TFDP2: variants seen among roughly 807,000 people sequenced by gnomAD.
TFDP2 encodes the protein transcription factor Dp-2, also known as transcription factor Dp-2 (E2F dimerization partner 2).
TFDP2 carries 17 observed loss-of-function variants against 59.3 expected under a neutral mutation model. The ratio of observed to expected loss-of-function variants is 0.29; its 90% CI spans 0.20 to 0.43. The LOEUF (loss-of-function observed/expected upper bound fraction) is 0.43. TFDP2 is among the 20% of genes least tolerant of loss of function. TFDP2 has a pLI of 1.00. For synonymous variants in TFDP2, 180 were observed against 194.7 expected (o/e 0.92, Z 0.63); for missense variants, 391 against 528.8 (o/e 0.74, Z 2.56).
rs184209228 is a variant in TFDP2 at position 141,950,832 on chromosome 3, C to A, written c.*1681G>T. ...TCTGAGAGGTGTGCTCCAGAACCCA[C>A]GATAAGACCGAGTTCTCTAGAAACT... On this transcript the variant is annotated 3_prime_UTR_variant, in exon 13 of 13. Transcript: ENST00000489671. The A allele has an allele frequency of 6.6e-6, 1 of 152,476 alleles. No homozygotes were observed. Among genetic ancestry groups the A allele is most frequent in the African/African-American group, 2.4e-5 (1 of 41,452 alleles). The allele number at this position is 152,476 out of a possible 1,614,324, so 9.4% of individuals were successfully genotyped here. A position where few individuals can be genotyped will look rare whatever the true frequency, so the allele number is the denominator to read the frequency against.
intron 3 of TFDP2, among the ~76,000 whole-genome samples, chr3:142,026,333 A>C (rs1024507533): frequency 1.3e-5 from 2 of 151,702 alleles, no homozygotes; most frequent in Non-Finnish European, 2.9e-5. Flanking sequence ...AAAACAACAA[A>C]AAAAAACAAC....
In TFDP2 at chr3:141,995,113, C is replaced by A; in HGVS notation, c.215G>T (p.Ser72Ile). Residue 72 changes from serine (S) to isoleucine (I), a missense_variant, in exon 5 of 13, where the codon AGT becomes ATT. Physicochemically the swap from Ser to Ile is moderately radical, Grantham distance 142. Around this residue, in one of 3 missense-constraint regions of TFDP2, gnomAD observed 162 missense variants for 206.8 expected, o/e 0.78. Coordinates refer to ENST00000489671, the MANE Select transcript of TFDP2 (RefSeq NM_001178139.2). ...MIISTPQRLT[S>I]SGSVLIGSPY... ...ACTCCCAATCAGAACACTTCCTGAA[C>A]TGGTTAGTCTCTGTGGTGTGCTTAT... 2 of 1,608,542 alleles carry A rather than the reference C, an allele frequency of 1.2e-6. No homozygotes were observed. Among genetic ancestry groups the A allele is most frequent in the Non-Finnish European group, 1.7e-6 (2 of 1,177,124 alleles).
chr3:141,961,848 G>T (rs954295035), intron 10 of TFDP2, among the ~76,000 whole-genome samples: 1 of 152,146 alleles, frequency 6.6e-6, no homozygotes, highest in African/African-American at 2.4e-5. Flanking sequence ...TGAGGCAGGG[G>T]GACCGCTTGA....
rs149746144 is a variant in TFDP2 at position 142,070,296 on chromosome 3, T to C, written c.82+22765A>G. Reference sequence around the variant, plus strand: ...CGATACATCAGTGTTTTTATTTTTTTGAGACAGGGTCACCCAGGCTGGAGT... The same window carrying C: ...CGATACATCAGTGTTTTTATTTTTTCGAGACAGGGTCACCCAGGCTGGAGT... On this transcript the variant is annotated intron_variant, in intron 3 of 12. Transcript: ENST00000489671. Among the ~76,000 whole-genome samples the C allele has an allele frequency of 1.3e-3, 191 of 152,256 alleles. 1 individual carries two copies. The highest frequency in any genetic ancestry group is 4.3e-3 in the African/African-American group (180 of 41,550).
chr3:142,016,335 G>A (rs1254131548), intron 3 of TFDP2, among the ~76,000 whole-genome samples: 3 of 137,134 alleles, frequency 2.2e-5, no homozygotes, highest in Non-Finnish European at 4.6e-5. Context: ...GTCTCACTCT[G>A]TCACCCAGGC....
chr3:142,088,010 A>AT (rs1159167786), intron 3 of TFDP2, among the ~76,000 whole-genome samples: 2 of 152,058 alleles, frequency 1.3e-5, no homozygotes, highest in Non-Finnish European at 1.5e-5. Context: ...TGATATACAG[A>AT]TTTTTTCACA....
chr3:142,143,743 A>G (rs897309390), intron 1 of TFDP2, among the ~76,000 whole-genome samples: 1 of 152,186 alleles, frequency 6.6e-6, no homozygotes, highest in Admixed American at 6.5e-5. Flanking sequence ...TCCAAAAGAC[A>G]GACAGTAACA....
chr3:142,123,861 A>G (rs1477675908), intron 1 of TFDP2, among the ~76,000 whole-genome samples: 1 of 152,228 alleles, frequency 6.6e-6, no homozygotes, highest in Non-Finnish European at 1.5e-5. Context: ...TGAAGCAGTA[A>G]AACTATTATT....
At chr3:142,036,023 A>T (rs1251698134) in intron 3 of TFDP2, among the ~76,000 whole-genome samples, 4 of 152,216 alleles carry the variant, frequency 2.6e-5, no homozygotes, top group Non-Finnish European at 5.9e-5. Context: ...ATATGAATTC[A>T]ATGAGTAGAT....
intron 10 of TFDP2, among the ~76,000 whole-genome samples, chr3:141,962,948 C>T (rs781308182): frequency 1.2e-4 from 19 of 152,180 alleles, no homozygotes; most frequent in Non-Finnish European, 2.4e-4. Context: ...CAGCAGCTAA[C>T]ATTTAAAAAA....
intron 3 of TFDP2, among the ~76,000 whole-genome samples, chr3:142,052,005 A>T (rs759979683): frequency 6.6e-6 from 1 of 152,102 alleles, no homozygotes; most frequent in Non-Finnish European, 1.5e-5. Context: ...ACATGTCTGT[A>T]GTCCCAGCTA....
intron 1 of TFDP2, among the ~76,000 whole-genome samples, chr3:142,103,484 T>C (rs1379061688): frequency 2.6e-5 from 4 of 152,136 alleles, no homozygotes; most frequent in Non-Finnish European, 5.9e-5. Context: ...CCAAAAACTA[T>C]GGAGTTTTCT....
chr3:142,036,893 T>G (rs1230408952), intron 3 of TFDP2, among the ~76,000 whole-genome samples: 2 of 152,204 alleles, frequency 1.3e-5, no homozygotes, highest in Non-Finnish European at 2.9e-5. Flanking sequence ...CTTAAAAAAC[T>G]CATGGGGCAG....
chr3:141,947,784 A>C lies in TFDP2; in HGVS notation c.*4729T>G, dbSNP rs1209198284. Reference sequence around the variant, plus strand: ...GGAACTTAGGAGAGATTCCAAGTGCATGTTATGGGACAGAGTGGCTTGTTA... The same window carrying C: ...GGAACTTAGGAGAGATTCCAAGTGCCTGTTATGGGACAGAGTGGCTTGTTA... On this transcript the variant is annotated 3_prime_UTR_variant, in exon 13 of 13. Transcript: ENST00000489671. 1 of 152,236 alleles carries C rather than the reference A, an allele frequency of 6.6e-6. No individual in the cohort carries two copies. Among genetic ancestry groups the C allele is most frequent in the African/African-American group, 2.4e-5 (1 of 41,452 alleles). 9.4% of individuals were successfully genotyped at this position (152,236 alleles called of 1,614,324 possible). A position where few individuals can be genotyped will look rare whatever the true frequency, so the allele number is the denominator to read the frequency against.
At chr3:142,058,767 T>G (rs1039387362) in intron 3 of TFDP2, among the ~76,000 whole-genome samples, 2 of 152,186 alleles carry the variant, frequency 1.3e-5, no homozygotes, top group African/African-American at 4.8e-5. Context: ...TACCTCACTG[T>G]GTCCACCAAC....
At chr3:142,042,324 G>A (rs746689340) in intron 3 of TFDP2, among the ~76,000 whole-genome samples, 1 of 150,476 alleles carries the variant, frequency 6.6e-6, no homozygotes, top group African/African-American at 2.4e-5. Context: ...ATGAAGTCTC[G>A]CTCTGTCACC....
intron 1 of TFDP2, among the ~76,000 whole-genome samples, chr3:142,140,244 G>C (rs1217658587): frequency 6.6e-6 from 1 of 152,108 alleles, no homozygotes; most frequent in African/African-American, 2.4e-5. Context: ...CCTCTACACT[G>C]TTTATTCTAG....
intron 3 of TFDP2, among the ~76,000 whole-genome samples, chr3:142,089,078 C>T (rs1011036202): frequency 6.6e-6 from 1 of 152,066 alleles, no homozygotes; most frequent in Non-Finnish European, 1.5e-5. Context: ...TTCCACCCCC[C>T]TCAGCCTCTC....
intron 3 of TFDP2, among the ~76,000 whole-genome samples, chr3:142,084,718 C>T (rs1228927484): frequency 6.6e-6 from 1 of 151,770 alleles, no homozygotes; most frequent in Non-Finnish European, 1.5e-5. Context: ...ATAAGCAAGG[C>T]ATGGAAAGAT....
Sources: allele counts gnomAD v4.1 joint callset (sites outside exome capture counted in the v4.1 genomes callset), GRCh38; gene constraint gnomAD v4.1.1; regional missense constraint gnomAD v4.1.1; transcripts MANE v1.5; gene names NCBI Gene and HGNC (gene_info 2026-07-23, HGNC 2026-07-21).